STXBP6: variants seen among roughly 807,000 people sequenced by gnomAD.
STXBP6 encodes the protein syntaxin-binding protein 6.
A neutral mutation model predicts 26.9 loss-of-function variants in STXBP6; 21 were observed. The observed-to-expected ratio is 0.78, with a 90% CI of 0.55 to 1.12. The LOEUF is 1.12. Among genes scored for constraint, STXBP6 ranks in the 50% most tolerant of loss-of-function variants. The pLI is 0.00. For missense variants in STXBP6, 232 were observed against 257.9 expected (o/e 0.90, Z 0.69); for synonymous variants, 97 against 92.6 (o/e 1.05, Z -0.27).
chr14:24,892,264 G>T (rs1451236660), intron 2 of STXBP6, among the ~76,000 whole-genome samples: 4 of 151,704 alleles, frequency 2.6e-5, no homozygotes, highest in Admixed American at 1.3e-4. Flanking sequence ...AAAACAAGGA[G>T]GAAAGTGGGG....
chr14:24,852,579 G>C (rs1463935020), intron 4 of STXBP6, among the ~76,000 whole-genome samples: 1 of 152,018 alleles, frequency 6.6e-6, no homozygotes, highest in African/African-American at 2.4e-5. Flanking sequence ...TGAAGTTCTG[G>C]TGGACAAACA....
chr14:24,972,948 C>T (rs2073942666), intron 2 of STXBP6, among the ~76,000 whole-genome samples: 1 of 152,164 alleles, frequency 6.6e-6, no homozygotes, highest in Non-Finnish European at 1.5e-5. Flanking sequence ...GAGAACTCAT[C>T]TTTACAAAAA....
chr14:25,035,618 A>T (rs1418784071), intron 1 of STXBP6, among the ~76,000 whole-genome samples: 1 of 152,240 alleles, frequency 6.6e-6, no homozygotes, highest in Non-Finnish European at 1.5e-5. Flanking sequence ...TACAGGAATT[A>T]AATGTGGCAT....
intron 5 of STXBP6, chr14:24,815,816 A>G (rs1566372819): frequency 2.0e-5 from 3 of 152,240 alleles, no homozygotes; most frequent in Middle Eastern, 3.4e-3. Flanking sequence ...ATTGTGGTGC[A>G]CTTTCCTGAG....
chr14:24,915,364 G>A (rs2071727010), intron 2 of STXBP6, among the ~76,000 whole-genome samples: 1 of 152,032 alleles, frequency 6.6e-6, no homozygotes, highest in Non-Finnish European at 1.5e-5. Flanking sequence ...CAAACTGTGG[G>A]GCATGGATTG....
chr14:24,941,968 C>T (rs2072819393), intron 2 of STXBP6, among the ~76,000 whole-genome samples: 1 of 152,232 alleles, frequency 6.6e-6, no homozygotes, highest in Non-Finnish European at 1.5e-5. Flanking sequence ...CCAGTTCCCC[C>T]TCAGCAAGTC....
chr14:24,826,850 G>A (rs1157396461), intron 4 of STXBP6, among the ~76,000 whole-genome samples: 1 of 152,146 alleles, frequency 6.6e-6, no homozygotes, highest in African/African-American at 2.4e-5. Flanking sequence ...CCTCAGATAA[G>A]TTACTTAATC....
At chr14:24,819,862 A>G (rs1373074402) in intron 4 of STXBP6, among the ~76,000 whole-genome samples, 1 of 152,176 alleles carries the variant, frequency 6.6e-6, no homozygotes, top group Non-Finnish European at 1.5e-5. Flanking sequence ...GATCTCTAGT[A>G]TGTGAAATAC....
chr14:24,926,873 G>A (rs11844412), intron 2 of STXBP6, among the ~76,000 whole-genome samples: 59,630 of 151,790 alleles, frequency 0.39, 11,988 homozygotes, highest in Middle Eastern at 0.51. Flanking sequence ...TTAATATAAT[G>A]CAACACTTAG....
chr14:25,014,458 C>T (rs57614343), intron 1 of STXBP6, among the ~76,000 whole-genome samples: 22,478 of 152,118 alleles, frequency 0.15, 1,877 homozygotes, highest in African/African-American at 0.22. Context: ...GAGGGAGACC[C>T]TGTCTCTAAA....
intron 4 of STXBP6, among the ~76,000 whole-genome samples, chr14:24,830,271 T>C (rs1337580536): frequency 6.6e-6 from 1 of 151,912 alleles, no homozygotes; most frequent in Non-Finnish European, 1.5e-5. Flanking sequence ...CCAAGATAAT[T>C]TTTGGAAATT....
chr14:24,848,603 C>T (rs1025324427), intron 4 of STXBP6, among the ~76,000 whole-genome samples: 3 of 152,020 alleles, frequency 2.0e-5, no homozygotes, highest in African/African-American at 7.2e-5. Context: ...TGCACAAAGC[C>T]ACTCCCAGCT....
chr14:24,847,226 A>G (rs1206723784), intron 4 of STXBP6, among the ~76,000 whole-genome samples: 1 of 152,144 alleles, frequency 6.6e-6, no homozygotes, highest in East Asian at 1.9e-4. Context: ...TCTCTTCACT[A>G]AAATTCCATG....
chr14:24,914,942 C>G (rs1212064442), intron 2 of STXBP6, among the ~76,000 whole-genome samples: 3 of 152,188 alleles, frequency 2.0e-5, no homozygotes, highest in Non-Finnish European at 2.9e-5. Flanking sequence ...AGCAGGATTG[C>G]TGAGAAGCAA....
chr14:24,977,594 T>A, intron 1 of STXBP6, among the ~76,000 whole-genome samples: 1 of 152,304 alleles, frequency 6.6e-6, no homozygotes, highest in East Asian at 1.9e-4. Flanking sequence ...CATAGAGATG[T>A]CTTCACCTAC....
intron 1 of STXBP6, among the ~76,000 whole-genome samples, chr14:24,998,012 C>T (rs2074650844): frequency 6.6e-6 from 1 of 152,042 alleles, no homozygotes; most frequent in Non-Finnish European, 1.5e-5. Context: ...AATATAACCA[C>T]CATTGTGCAT....
At chr14:24,898,328 ATTACTGAACC>A (rs1310678593) in intron 2 of STXBP6, among the ~76,000 whole-genome samples, 6 of 152,196 alleles carry the variant, frequency 3.9e-5, no homozygotes, top group African/African-American at 7.2e-5. Context: ...GGGTAATAAT[ATTACTGAACC>A]TTACTGAACC....
intron 2 of STXBP6, among the ~76,000 whole-genome samples, chr14:24,881,003 T>C (rs1399128869): frequency 6.6e-6 from 1 of 152,252 alleles, no homozygotes; most frequent in African/African-American, 2.4e-5. Flanking sequence ...CCTACTGTTT[T>C]GAAAGCATTA....
rs1009814279 is a variant in STXBP6 at position 24,974,693 on chromosome 14, G to A, written c.126C>T (p.Gly42=). ...KIPFLATGGQ[G]EYLTYICLSV... ...ACAGGCAGATATAAGTTAAATATTC[G>A]CCTTGACCTCCAGTTGCCAAGAAAG... is the stretch of plus-strand genomic sequence containing the variant. Residue 42 remains glycine (G), a synonymous_variant, in exon 2 of 6, where the codon GGC becomes GGT. Transcript: ENST00000323944. 6 of 1,557,170 alleles carry A rather than the reference G, an allele frequency of 3.9e-6. No individual in the cohort carries two copies. Among genetic ancestry groups the A allele is most frequent in the East Asian group, 2.4e-5 (1 of 41,966 alleles).
Sources: gnomAD v4.1 joint callset for allele counts (sites outside exome capture counted in the v4.1 genomes callset) on GRCh38, gnomAD v4.1.1 for gene constraint, MANE v1.5 for transcripts, NCBI Gene and HGNC (gene_info 2026-07-23, HGNC 2026-07-21) for gene names.